The following PPFIBP2 variants were observed in gnomAD, a reference collection of about 807,000 sequenced individuals.
PPFIBP2 encodes the protein PPFIB scaffold protein 2, also known as liprin-beta-2.
A neutral mutation model predicts 118.3 loss-of-function variants in PPFIBP2; 118 were observed. That is an observed-to-expected ratio of 1.00 (90% CI 0.86 to 1.16). PPFIBP2 has a LOEUF of 1.16. PPFIBP2 is among the 50% of genes most tolerant of loss of function. The pLI is 0.00. For missense variants in PPFIBP2, 1,195 were observed against 1,073.1 expected (o/e 1.11, Z -1.59); for synonymous variants, 414 against 397.4 (o/e 1.04, Z -0.50).
At chr11:7,573,899 C>G (rs188523726) in intron 3 of PPFIBP2, 1 of 152,212 alleles carries the variant, frequency 6.6e-6, no homozygotes. Flanking sequence ...CCATGAGATT[C>G]CTCTCAGTTT....
chr11:7,656,973 C>G (rs1185612247), downstream of PPFIBP2: 12 of 401,840 alleles, frequency 3.0e-5, no homozygotes, highest in East Asian at 6.5e-4. Flanking sequence ...CAGGGGTGGC[C>G]CCAGGGTCCA....
At chr11:7,652,979 C>T (rs375687150) in intron 23 of PPFIBP2, 45 bp from the exon 24 acceptor site, 57 of 1,567,626 alleles carry the variant, frequency 3.6e-5, no homozygotes, top group Non-Finnish European at 4.9e-5. Flanking sequence ...TACCTGCACA[C>T]TGCCTTGATT....
At chr11:7,550,099 A>G (rs889601553) in intron 2 of PPFIBP2, among the ~76,000 whole-genome samples, 3 of 152,190 alleles carry the variant, frequency 2.0e-5, no homozygotes, top group African/African-American at 7.2e-5. Flanking sequence ...AGATCTAGCA[A>G]AGCTGTGGTT....
chr11:7,594,302 A>G (rs2135267871), intron 4 of PPFIBP2, among the ~76,000 whole-genome samples: 1 of 151,932 alleles, frequency 6.6e-6, no homozygotes, highest in Middle Eastern at 3.4e-3. Context: ...CCTCTATTGT[A>G]AATAACTGAG....
chr11:7,656,895 G>T (rs1214566296), downstream of PPFIBP2: 4 of 933,520 alleles, frequency 4.3e-6, no homozygotes, highest in South Asian at 4.1e-5. Flanking sequence ...TGCAAGCCCA[G>T]TCCGGGCTGG....
intron 8 of PPFIBP2, among the ~76,000 whole-genome samples, chr11:7,627,912 T>C (rs1210518905): frequency 1.3e-5 from 2 of 152,214 alleles, no homozygotes; most frequent in African/African-American, 4.8e-5. Flanking sequence ...ACTGTATGAT[T>C]TTCTTCAAAG....
At chr11:7,655,026 T>C (rs1854552306), downstream of PPFIBP2, among the ~76,000 whole-genome samples, 1 of 152,132 alleles carries the variant, frequency 6.6e-6, no homozygotes, top group South Asian at 2.1e-4. Flanking sequence ...TGTCAGGGCA[T>C]TGGTGTCTGA....
intron 2 of PPFIBP2, among the ~76,000 whole-genome samples, chr11:7,550,350 C>T (rs1003521041): frequency 6.6e-6 from 1 of 152,170 alleles, no homozygotes; most frequent in Admixed American, 6.5e-5. Context: ...GGTATTGGGC[C>T]AAGTGTGGCT....
chr11:7,630,444 C>A (rs533806188), intron 10 of PPFIBP2, among the ~76,000 whole-genome samples: 1 of 152,110 alleles, frequency 6.6e-6, no homozygotes, highest in East Asian at 1.9e-4. Context: ...CCTGAGTAGC[C>A]GGGATTACAG....
intron 21 of PPFIBP2, 108 bp from the exon 22 acceptor site, chr11:7,650,732 T>C: frequency 8.0e-7 from 1 of 1,243,444 alleles, no homozygotes; most frequent in East Asian, 2.5e-5. Context: ...GGGCCTTCTA[T>C]TGTTGTGATG....
chr11:7,586,971 T>C (rs1020738155), intron 3 of PPFIBP2, among the ~76,000 whole-genome samples: 2 of 152,254 alleles, frequency 1.3e-5, no homozygotes, highest in Admixed American at 6.5e-5. Context: ...ATTCATTTTC[T>C]GATAATATCT....
chr11:7,633,757 T>C (rs1851082617), intron 12 of PPFIBP2, among the ~76,000 whole-genome samples: 1 of 152,194 alleles, frequency 6.6e-6, no homozygotes, highest in East Asian at 1.9e-4. Context: ...ATAAGAATTG[T>C]GGTTTATGAG....
rs550492718 is a variant in PPFIBP2 at position 7,628,468 on chromosome 11, T to C, written c.888+122T>C. 5 of 919,822 alleles carry C rather than the reference T, an allele frequency of 5.4e-6. No homozygotes were observed. The South Asian group carries it at 7.5e-5, about 14-fold the overall frequency. The allele number at this position is 919,822 out of a possible 1,614,324, so 57.0% of individuals were successfully genotyped here. ...TTATCATGCCATTGACATAGGGATA[T>C]GTCAGGAGAATGACTTGTGCCTTCT... On this transcript the variant is annotated intron_variant, in intron 9 of 23. Transcript: ENST00000299492.
At chr11:7,517,778 G>A (rs1849357029) in intron 1 of PPFIBP2, among the ~76,000 whole-genome samples, 2 of 152,232 alleles carry the variant, frequency 1.3e-5, no homozygotes, top group African/African-American at 4.8e-5. Flanking sequence ...CTCGGATGAA[G>A]TGATGGTAGT....
At chr11:7,651,237 C>CAGTCTGCCTGTCCCT (rs150968258) in intron 22 of PPFIBP2, 1 of 364,270 alleles carries the variant, frequency 2.7e-6, no homozygotes, top group African/African-American at 2.0e-5. Context: ...GCTTACAAGG[C>CAGTCTGCCTGTCCCT]GAGGGAACAG....
At chr11:7,649,082 T>G in intron 19 of PPFIBP2, 65 bp from the exon 20 acceptor site, 1 of 1,503,420 alleles carries the variant, frequency 6.7e-7, no homozygotes, top group Non-Finnish European at 9.1e-7. Flanking sequence ...TGCTCCCCTT[T>G]TTTTGGTGTC....
intron 5 of PPFIBP2, among the ~76,000 whole-genome samples, chr11:7,602,947 C>T (rs910389128): frequency 5.3e-5 from 8 of 152,152 alleles, no homozygotes; most frequent in Non-Finnish European, 4.4e-5. Flanking sequence ...TATTGCCTAC[C>T]TCTTACTTCT....
At chr11:7,628,478 A>G (rs1416942568) in intron 9 of PPFIBP2, 132 bp downstream of exon 9, 20 of 859,986 alleles carry the variant, frequency 2.3e-5, no homozygotes, top group Non-Finnish European at 3.2e-5. Context: ...TGTCAGGAGA[A>G]TGACTTGTGC....
intron 6 of PPFIBP2, among the ~76,000 whole-genome samples, chr11:7,614,374 C>T (rs1300501569): frequency 6.6e-6 from 1 of 152,224 alleles, no homozygotes; most frequent in African/African-American, 2.4e-5. Flanking sequence ...TACAAATGTA[C>T]ACTATTCTAG....
Sources: gnomAD v4.1 joint callset for allele counts (sites outside exome capture counted in the v4.1 genomes callset) on GRCh38, gnomAD v4.1.1 for gene constraint, MANE v1.5 for transcripts, NCBI Gene and HGNC (gene_info 2026-07-23, HGNC 2026-07-21) for gene names.